ZCWPW1: variants seen among roughly 807,000 people sequenced by gnomAD.
ZCWPW1 encodes the protein zinc finger CW-type PWWP domain protein 1.
Under a neutral mutation model 81.3 loss-of-function variants are expected in ZCWPW1, and 56 were observed. That is an observed-to-expected ratio of 0.69 (90% CI 0.56 to 0.86). The LOEUF (loss-of-function observed/expected upper bound fraction) is 0.86, where lower values mean the gene tolerates loss of function less well. Among genes scored for constraint, ZCWPW1 ranks in the 40% least tolerant of loss-of-function variants. The pLI, the probability that ZCWPW1 is intolerant of heterozygous loss-of-function variation, is 0.00. For synonymous variants in ZCWPW1, 250 were observed against 273.7 expected, an observed-to-expected ratio of 0.91 and a Z score of 0.86; for missense variants, 650 against 769.8, an observed-to-expected ratio of 0.84 and a Z score of 1.84.
intron 13 of ZCWPW1, among the ~76,000 whole-genome samples, chr7:100,404,784 G>C (rs1201825108): frequency 6.6e-6 from 1 of 152,124 alleles, no homozygotes; most frequent in Admixed American, 6.6e-5. Flanking sequence ...GAAATTTGGA[G>C]GGGAAATTTT....
chr7:100,408,636 T>G lies in ZCWPW1; in HGVS notation c.895A>C (p.Ile299Leu). ...NTDVQYNRCDIPEETWTGLES... is the reference protein window; with the variant it reads ...NTDVQYNRCDLPEETWTGLES... The stretch of plus-strand genomic sequence containing the variant: ...AGCCCTGTCCAGGTCTCCTCAGGAA[T>G]ATCACAGCGATTATACTGCACATCT... Residue 299 changes from isoleucine (I) to leucine (L), a missense_variant, in exon 10 of 18, where the codon ATT becomes CTT. Transcript: ENST00000684423. 1 of 1,613,860 alleles carries G rather than the reference T, an allele frequency of 6.2e-7. No homozygotes were observed. Among genetic ancestry groups the G allele is most frequent in the Non-Finnish European group, 8.5e-7 (1 of 1,179,880 alleles).
At chr7:100,427,361 G>C (rs569330458) in intron 1 of ZCWPW1, among the ~76,000 whole-genome samples, 2 of 150,680 alleles carry the variant, frequency 1.3e-5, no homozygotes, top group Admixed American at 1.3e-4. Flanking sequence ...TCAGGAGTTC[G>C]GGACCAGCCT....
intron 2 of ZCWPW1, among the ~76,000 whole-genome samples, chr7:100,421,658 G>C (rs182256728): frequency 1.3e-5 from 2 of 151,998 alleles, no homozygotes; most frequent in Admixed American, 1.3e-4. Context: ...TTCATCTTCA[G>C]CAATCTACTC....
At chr7:100,402,763 T>A (rs1792189928) in intron 15 of ZCWPW1, among the ~76,000 whole-genome samples, 187 bp from the exon 16 acceptor site, 1 of 152,148 alleles carries the variant, frequency 6.6e-6, no homozygotes. Flanking sequence ...TCTGTTGGTA[T>A]TCATCAATGC....
At chr7:100,426,761 C>G (rs1287625473) in intron 1 of ZCWPW1, among the ~76,000 whole-genome samples, 2 of 125,338 alleles carry the variant, frequency 1.6e-5, no homozygotes, top group Admixed American at 7.9e-5. Flanking sequence ...CTCCCTCCCC[C>G]TCCTTCCTTG....
chr7:100,419,348 C>T (rs1795935531), intron 4 of ZCWPW1, among the ~76,000 whole-genome samples, 159 bp from the exon 5 acceptor site: 1 of 152,164 alleles, frequency 6.6e-6, no homozygotes, highest in Non-Finnish European at 1.5e-5. Flanking sequence ...TCCCAGATCT[C>T]CTGGGAATAA....
At chr7:100,406,893 A>G in intron 11 of ZCWPW1, 95 bp from the exon 12 acceptor site, 2 of 1,145,612 alleles carry the variant, frequency 1.7e-6, no homozygotes, top group East Asian at 4.9e-5. Flanking sequence ...ATTCACCCAG[A>G]AGGAGGTGCT....
intron 8 of ZCWPW1, among the ~76,000 whole-genome samples, 172 bp downstream of exon 8, chr7:100,415,803 G>A (rs907408797): frequency 5.3e-5 from 8 of 152,154 alleles, no homozygotes; most frequent in Non-Finnish European, 1.2e-4. Flanking sequence ...TGGATTATGT[G>A]AATAAATGAC....
At chr7:100,406,591 C>G (rs1793056447) in intron 12 of ZCWPW1, 103 bp downstream of exon 12, 1 of 1,106,352 alleles carries the variant, frequency 9.0e-7, no homozygotes, top group South Asian at 1.4e-5. Flanking sequence ...TGGTCAGACA[C>G]AGAACTTTCT....
intron 11 of ZCWPW1, among the ~76,000 whole-genome samples, 156 bp from the exon 12 acceptor site, chr7:100,406,954 G>C (rs3900792): frequency 0.18 from 26,690 of 152,104 alleles, 2,478 homozygotes; most frequent in Middle Eastern, 0.2. Context: ...TACCCTCGTT[G>C]CAATTGTTCT....
At chr7:100,426,648 CCT>C (rs1797406484) in intron 1 of ZCWPW1, among the ~76,000 whole-genome samples, 1 of 150,372 alleles carries the variant, frequency 6.7e-6, no homozygotes, top group Non-Finnish European at 1.5e-5. Context: ...TTTCTCCCTC[CCT>C]CTCTCCCTCC....
chr7:100,402,829 T>C (rs1300674724), intron 15 of ZCWPW1, among the ~76,000 whole-genome samples: 1 of 152,138 alleles, frequency 6.6e-6, no homozygotes, highest in Non-Finnish European at 1.5e-5. Context: ...TGATAAAAAT[T>C]GCTAAATTAA....
At chr7:100,403,543 G>T in intron 15 of ZCWPW1, 151 bp downstream of exon 15, 1 of 459,488 alleles carries the variant, frequency 2.2e-6, no homozygotes, top group South Asian at 2.3e-5. Context: ...GCTAATGTTG[G>T]CCAGGTGTGG....
At chr7:100,401,504 C>G (rs1791878852) in intron 17 of ZCWPW1, among the ~76,000 whole-genome samples, 168 bp from the exon 18 acceptor site, 1 of 152,180 alleles carries the variant, frequency 6.6e-6, no homozygotes, top group Non-Finnish European at 1.5e-5. Flanking sequence ...AGCCGTCTGC[C>G]CTATGCTAGT....
At chr7:100,424,615 C>T (rs1236765616) in intron 2 of ZCWPW1, among the ~76,000 whole-genome samples, 1 of 151,996 alleles carries the variant, frequency 6.6e-6, no homozygotes, top group East Asian at 1.9e-4. Context: ...GAGCGCACCA[C>T]CACCCCCAGC....
chr7:100,421,368 C>A (rs1396779072), intron 2 of ZCWPW1, among the ~76,000 whole-genome samples: 1 of 152,188 alleles, frequency 6.6e-6, no homozygotes, highest in Non-Finnish European at 1.5e-5. Flanking sequence ...TAAGCCTCTC[C>A]TAAACACTTA....
intron 8 of ZCWPW1, among the ~76,000 whole-genome samples, chr7:100,413,616 TA>T (rs1794638614): frequency 6.6e-6 from 1 of 152,366 alleles, no homozygotes; most frequent in Non-Finnish European, 1.5e-5. Flanking sequence ...AAGAATGGTT[TA>T]TTTATAGCAG....
chr7:100,407,194 T>C (rs1793198185), intron 11 of ZCWPW1, 34 bp downstream of exon 11: 3 of 1,601,120 alleles, frequency 1.9e-6, no homozygotes, highest in Admixed American at 1.7e-5. Flanking sequence ...TACTTTGGCC[T>C]GAGCTCCTTC....
intron 8 of ZCWPW1, among the ~76,000 whole-genome samples, chr7:100,415,157 C>T (rs1468726815): frequency 7.3e-6 from 1 of 137,616 alleles, no homozygotes; most frequent in East Asian, 2.4e-4. Flanking sequence ...AATCTTGGCT[C>T]ACTGCAACCT....
Sources: gnomAD v4.1 joint callset for allele counts (sites outside exome capture counted in the v4.1 genomes callset) on GRCh38, gnomAD v4.1.1 for gene constraint, MANE v1.5 for transcripts, NCBI Gene and HGNC (gene_info 2026-07-23, HGNC 2026-07-21) for gene names.